PPP2R5E: variants seen among roughly 807,000 people sequenced by gnomAD.
The protein encoded by PPP2R5E is protein phosphatase 2 regulatory subunit B'epsilon, also known as serine/threonine-protein phosphatase 2A 56 kDa regulatory subunit epsilon isoform.
PPP2R5E carries 4 observed loss-of-function variants against 65.3 expected under a neutral mutation model. The observed-to-expected ratio is 0.06, with a 90% CI of 0.03 to 0.14. PPP2R5E has a LOEUF of 0.14. PPP2R5E is among the 10% of genes least tolerant of loss of function. PPP2R5E has a pLI of 1.00. For missense variants in PPP2R5E, 274 were observed against 556.1 expected (o/e 0.49, Z 5.10); for synonymous variants, 183 against 187.4 (o/e 0.98, Z 0.19).
At position 63,510,142 on chromosome 14, in the gene PPP2R5E, T is replaced by C. The variant is rs534513316; in HGVS notation, c.157+29387A>G. ...TTAAAATTCTGTTGGCAAAAAGGGATAGGATGAAACTTTCCTTAAATATCA... is the reference window on the plus strand; with the variant it reads ...TTAAAATTCTGTTGGCAAAAAGGGACAGGATGAAACTTTCCTTAAATATCA... On this transcript the variant is annotated intron_variant, in intron 2 of 13. Transcript: ENST00000337537. Among the ~76,000 whole-genome samples, 9 of 152,244 alleles carry C rather than the reference T, an allele frequency of 5.9e-5. No individual in the cohort carries two copies. The East Asian group carries it at 1.4e-3, about 23-fold the overall frequency.
chr14:63,484,378 C>CAT lies in PPP2R5E; in HGVS notation c.158-30494_158-30493insAT, dbSNP rs1566736487. Among the ~76,000 whole-genome samples the CAT allele has an allele frequency of 3.2e-4, 48 of 151,632 alleles. 1 individual carries two copies. The highest frequency in any genetic ancestry group is 1.2e-3 in the African/African-American group (48 of 41,374). On this transcript the variant is annotated intron_variant, in intron 2 of 13. Coordinates refer to ENST00000337537, the MANE Select transcript of PPP2R5E (RefSeq NM_006246.5). ...ACACACACACACACACACACACACA[C>CAT]ACACACACAAAGAATCGTATCAAGT... is the stretch of plus-strand genomic sequence containing the variant.
At chr14:63,468,157 A>G (rs1337034933) in intron 2 of PPP2R5E, among the ~76,000 whole-genome samples, 2 of 152,242 alleles carry the variant, frequency 1.3e-5, no homozygotes, top group Non-Finnish European at 2.9e-5. Flanking sequence ...ATGAGCCTAA[A>G]AACAGTAGCT....
At chr14:63,447,767 C>T (rs1888565815) in intron 3 of PPP2R5E, among the ~76,000 whole-genome samples, 1 of 152,126 alleles carries the variant, frequency 6.6e-6, no homozygotes, top group Non-Finnish European at 1.5e-5. Flanking sequence ...TCACTTCTAG[C>T]TTTTGATTTA....
chr14:63,379,797 G>A (rs1191378408), intron 13 of PPP2R5E, among the ~76,000 whole-genome samples: 3 of 145,208 alleles, frequency 2.1e-5, no homozygotes, highest in Non-Finnish European at 3.0e-5. Context: ...AATTTGAGTG[G>A]AAATAAGTTG....
intron 5 of PPP2R5E, among the ~76,000 whole-genome samples, chr14:63,408,707 C>T (rs1172320306): frequency 1.3e-5 from 2 of 152,094 alleles, no homozygotes; most frequent in Admixed American, 6.5e-5. Flanking sequence ...TGAGTCTTTC[C>T]ATCTAGCAAT....
At chr14:63,380,234 T>G (rs774120114) in intron 13 of PPP2R5E, among the ~76,000 whole-genome samples, 1 of 152,190 alleles carries the variant, frequency 6.6e-6, no homozygotes, top group African/African-American at 2.4e-5. Context: ...ACAAAGCACC[T>G]TTAACGATGC....
At chr14:63,513,684 T>G (rs570607129) in intron 2 of PPP2R5E, among the ~76,000 whole-genome samples, 3 of 152,238 alleles carry the variant, frequency 2.0e-5, no homozygotes, top group African/African-American at 7.2e-5. Context: ...AAGCTTTTTA[T>G]ATTTCCTGAA....
intron 2 of PPP2R5E, among the ~76,000 whole-genome samples, chr14:63,531,029 A>G (rs182059779): frequency 2.3e-3 from 356 of 152,360 alleles, no homozygotes; most frequent in African/African-American, 8.2e-3. Flanking sequence ...GAATGAAATT[A>G]TCTCTTCATT....
At chr14:63,489,215 A>G (rs547270332) in intron 2 of PPP2R5E, among the ~76,000 whole-genome samples, 3 of 152,138 alleles carry the variant, frequency 2.0e-5, no homozygotes, top group Admixed American at 2.0e-4. Flanking sequence ...TAAAAATAGT[A>G]TAGGCTCACC....
In PPP2R5E at chr14:63,373,051, T is replaced by G. The variant is rs1379194626; in HGVS notation, c.*2958A>C. The G allele has an allele frequency of 1.3e-5, 2 of 152,062 alleles. No individual in the cohort carries two copies. The highest frequency in any genetic ancestry group is 2.9e-5 in the Non-Finnish European group (2 of 68,004). The allele number at this position is 152,062 out of a possible 1,614,324, so 9.4% of individuals were successfully genotyped here. A position where few individuals can be genotyped will look rare whatever the true frequency, so the allele number is the denominator to read the frequency against. ...GATACTTCACAATGAGAAACAGGAA[T>G]GCATGCTTGATTCAAAGTATGAGAT... On this transcript the variant is annotated 3_prime_UTR_variant, in exon 14 of 14. Transcript: ENST00000337537.
At chr14:63,430,357 A>ACATACATGCATGCATGCATG (rs1566696301) in intron 3 of PPP2R5E, among the ~76,000 whole-genome samples, 3 of 128,182 alleles carry the variant, frequency 2.3e-5, no homozygotes, top group African/African-American at 1.1e-4. Flanking sequence ...ATACATACAT[A>ACATACATGCATGCATGCATG]CATACATACA....
At chr14:63,537,263 C>T (rs1388471382) in intron 2 of PPP2R5E, among the ~76,000 whole-genome samples, 1 of 152,040 alleles carries the variant, frequency 6.6e-6, no homozygotes, top group Non-Finnish European at 1.5e-5. Context: ...CTGGCTTCCT[C>T]AGAATGAAGT....
At chr14:63,492,178 T>C (rs1284569646) in intron 2 of PPP2R5E, among the ~76,000 whole-genome samples, 2 of 152,092 alleles carry the variant, frequency 1.3e-5, no homozygotes, top group African/African-American at 4.8e-5. Context: ...GCACACTGAT[T>C]TTTTACATCT....
At chr14:63,453,473 G>T in intron 3 of PPP2R5E, 1 of 353,022 alleles carries the variant, frequency 2.8e-6, no homozygotes, top group Non-Finnish European at 5.1e-6. Flanking sequence ...GTCATTTATT[G>T]CTTCAGCACT....
chr14:63,522,637 C>G (rs1408450020), intron 2 of PPP2R5E, among the ~76,000 whole-genome samples: 19 of 149,386 alleles, frequency 1.3e-4, no homozygotes, highest in African/African-American at 4.7e-4. Context: ...CCGTCCGCGA[C>G]CCCGTCTGGG....
intron 11 of PPP2R5E, 46 bp from the exon 12 acceptor site, chr14:63,384,617 A>G (rs1349179142): frequency 9.4e-6 from 14 of 1,488,104 alleles, no homozygotes; most frequent in Non-Finnish European, 1.2e-5. Flanking sequence ...AAAAAGACAA[A>G]GATAAAACAA....
chr14:63,520,859 C>CAAAAAAAAAAAAAA (rs748146106), intron 2 of PPP2R5E, among the ~76,000 whole-genome samples: 19 of 58,518 alleles, frequency 3.2e-4, no homozygotes, highest in East Asian at 1.5e-3. Context: ...ACTAAAAATA[C>CAAAAAAAAAAAAAA]AAAAAAAAAA....
intron 3 of PPP2R5E, among the ~76,000 whole-genome samples, chr14:63,432,958 G>A (rs1887754256): frequency 6.7e-6 from 1 of 149,314 alleles, no homozygotes; most frequent in African/African-American, 2.5e-5. Context: ...AAGTATTAAT[G>A]TCAGGAGAGA....
intron 3 of PPP2R5E, among the ~76,000 whole-genome samples, chr14:63,436,346 C>T (rs1039158852): frequency 1.6e-4 from 24 of 152,180 alleles, no homozygotes; most frequent in Admixed American, 5.2e-4. Flanking sequence ...TTTGAGGCTC[C>T]TGATGTGTGT....
Sources: gnomAD v4.1 joint callset for allele counts (sites outside exome capture counted in the v4.1 genomes callset) on GRCh38, gnomAD v4.1.1 for gene constraint, MANE v1.5 for transcripts, NCBI Gene and HGNC (gene_info 2026-07-23, HGNC 2026-07-21) for gene names.